Variants in EIF3H observed in about 807,000 individuals in gnomAD.
The protein encoded by EIF3H is eIF-3-gamma.
EIF3H carries 26 observed loss-of-function variants against 44.2 expected under a neutral mutation model. That is an observed-to-expected ratio of 0.59 (90% CI 0.43 to 0.82). The LOEUF (loss-of-function observed/expected upper bound fraction) is 0.82, where lower values mean the gene tolerates loss of function less well. Among genes scored for constraint, EIF3H ranks in the 40% least tolerant of loss-of-function variants. The pLI is 0.00. For missense variants in EIF3H, 359 were observed against 432.8 expected, an observed-to-expected ratio of 0.83 and a Z score of 1.51; for synonymous variants, 166 against 151.9, an observed-to-expected ratio of 1.09 and a Z score of -0.68.
intron 3 of EIF3H, chr8:116,658,397 T>C (rs1813528584): frequency 6.5e-6 from 1 of 154,096 alleles, no homozygotes; most frequent in Admixed American, 6.5e-5. Context: ...AAAATCTTTG[T>C]GCTAAGAAAC....
At chr8:116,675,022 T>C (rs529442967) in intron 2 of EIF3H, among the ~76,000 whole-genome samples, 2 of 152,354 alleles carry the variant, frequency 1.3e-5, no homozygotes, top group Admixed American at 1.3e-4. Context: ...AAAGACAAGA[T>C]TCATTATTTT....
At chr8:116,757,001 G>A (rs1815459898), upstream of EIF3H, among the ~76,000 whole-genome samples, 4 of 152,124 alleles carry the variant, frequency 2.6e-5, no homozygotes, top group South Asian at 8.3e-4. Context: ...AAAACAGTGA[G>A]GCTACTTATA....
At chr8:116,744,742 C>T (rs1315453552) in intron 1 of EIF3H, among the ~76,000 whole-genome samples, 6 of 152,152 alleles carry the variant, frequency 3.9e-5, no homozygotes, top group African/African-American at 1.2e-4. Flanking sequence ...TTACGAAAAA[C>T]ATTATAAACT....
intron 1 of EIF3H, among the ~76,000 whole-genome samples, chr8:116,754,447 CAAAACATTCCA>C (rs1815407893): frequency 1.3e-5 from 2 of 152,324 alleles, no homozygotes; most frequent in Admixed American, 1.3e-4. Flanking sequence ...ACATTTAGAA[CAAAACATTCCA>C]AAGTTAATCT....
chr8:116,760,104 C>T (rs1815503688), upstream of EIF3H, among the ~76,000 whole-genome samples: 1 of 152,208 alleles, frequency 6.6e-6, no homozygotes, highest in African/African-American at 2.4e-5. Flanking sequence ...GAAGGGCATA[C>T]TCCAAGTGAA....
At chr8:116,710,470 C>T (rs184752301) in intron 2 of EIF3H, among the ~76,000 whole-genome samples, 1 of 152,286 alleles carries the variant, frequency 6.6e-6, no homozygotes, top group East Asian at 1.9e-4. Flanking sequence ...TGTATACATT[C>T]AACCACCGCT....
intron 2 of EIF3H, among the ~76,000 whole-genome samples, chr8:116,702,966 G>C (rs1349423753): frequency 6.6e-6 from 1 of 152,138 alleles, no homozygotes; most frequent in African/African-American, 2.4e-5. Context: ...GGAATGTGCA[G>C]CCTAGATCCC....
At chr8:116,675,116 T>C (rs551383117) in intron 2 of EIF3H, among the ~76,000 whole-genome samples, 5 of 152,288 alleles carry the variant, frequency 3.3e-5, no homozygotes, top group African/African-American at 9.6e-5. Context: ...AAAATCTCTT[T>C]GTATTTTTAA....
chr8:116,683,847 T>G (rs551181608), intron 2 of EIF3H, among the ~76,000 whole-genome samples: 11 of 152,222 alleles, frequency 7.2e-5, no homozygotes, highest in Non-Finnish European at 1.6e-4. Flanking sequence ...TATGTTGAAT[T>G]CTTTCTAATT....
chr8:116,679,718 G>A (rs1303409105), intron 2 of EIF3H, among the ~76,000 whole-genome samples: 2 of 7,556 alleles, frequency 2.6e-4, no homozygotes, highest in Admixed American at 5.6e-4. Flanking sequence ...TGGGAAGTGA[G>A]GAGCCCCTCT....
intron 1 of EIF3H, among the ~76,000 whole-genome samples, chr8:116,736,376 G>T (rs1036641343): frequency 6.6e-6 from 1 of 152,080 alleles, no homozygotes; most frequent in East Asian, 1.9e-4. Context: ...AAAATGAGTG[G>T]AATTGCCAGG....
rs1302875837 is a variant in EIF3H at position 116,752,795 on chromosome 8, G to GGGAA, written c.132+2867_132+2870dup. 3.3e-3 allele frequency among the ~76,000 whole-genome samples: 264 copies of GGGAA among 80,376 alleles called. 7 individuals carry two copies. Among genetic ancestry groups the GGGAA allele is most frequent in the Admixed American group, 0.015 (115 of 7,478 alleles). The allele number at this position is 80,376 out of a possible 152,430, so 52.7% of individuals were successfully genotyped here. A position where few individuals can be genotyped will look rare whatever the true frequency, so the allele number is the denominator to read the frequency against. On this transcript the variant is annotated intron_variant, in intron 1 of 7. Transcript: ENST00000521861. ...AGGGAGGGAGGGAGGGAGGGAGGGA[G>GGGAA]GGAAGGAAGGAAGGAAGGAAGGAAG... is the stretch of plus-strand genomic sequence containing the variant.
chr8:116,711,911 A>G (rs1814577446), intron 2 of EIF3H, among the ~76,000 whole-genome samples: 1 of 152,220 alleles, frequency 6.6e-6, no homozygotes, highest in African/African-American at 2.4e-5. Context: ...ATTTCAAAAA[A>G]TATGTGTAGC....
intron 1 of EIF3H, among the ~76,000 whole-genome samples, chr8:116,750,960 C>T (rs1232226266): frequency 3.3e-5 from 5 of 151,636 alleles, no homozygotes; most frequent in Admixed American, 2.6e-4. Context: ...CGCCTGTAAT[C>T]CCAGCACTTT....
chr8:116,733,196 G>A (rs1248977608), intron 1 of EIF3H, among the ~76,000 whole-genome samples: 1 of 152,210 alleles, frequency 6.6e-6, no homozygotes, highest in Non-Finnish European at 1.5e-5. Context: ...GCCAGATGAA[G>A]AGATGCACAG....
At chr8:116,748,530 ATGAT>A (rs1815276970) in intron 1 of EIF3H, among the ~76,000 whole-genome samples, 1 of 152,232 alleles carries the variant, frequency 6.6e-6, no homozygotes, top group Non-Finnish European at 1.5e-5. Flanking sequence ...CAGTTTCTTC[ATGAT>A]TGATTTTCAA....
chr8:116,721,460 A>G (rs959503805), intron 2 of EIF3H, among the ~76,000 whole-genome samples: 1 of 152,260 alleles, frequency 6.6e-6, no homozygotes. Context: ...GCCCCCACAC[A>G]GAGTCCCCAC....
intron 1 of EIF3H, among the ~76,000 whole-genome samples, chr8:116,744,884 A>C (rs562846407): frequency 6.6e-6 from 1 of 152,354 alleles, no homozygotes; most frequent in East Asian, 1.9e-4. Context: ...AGAACTTGCA[A>C]AGATTCTTTT....
intron 2 of EIF3H, among the ~76,000 whole-genome samples, chr8:116,708,987 CCTTT>C (rs1164873746): frequency 6.7e-6 from 1 of 149,850 alleles, no homozygotes; most frequent in East Asian, 1.9e-4. Flanking sequence ...TTAGCCAGGG[CCTTT>C]CTTTAAAAAA....
Sources: allele counts gnomAD v4.1 joint callset (sites outside exome capture counted in the v4.1 genomes callset), GRCh38; gene constraint gnomAD v4.1.1; transcripts MANE v1.5; gene names NCBI Gene and HGNC (gene_info 2026-07-23, HGNC 2026-07-21).